CDH19: variants seen among roughly 807,000 people sequenced by gnomAD.
The protein encoded by CDH19 is cadherin 19, also known as cadherin-19.
In CDH19, 67 loss-of-function variants were observed where a neutral mutation model predicts 64.2. The ratio of observed to expected loss-of-function variants is 1.04; its 90% confidence interval spans 0.86 to 1.28. The LOEUF is 1.28. CDH19 is among the 50% of genes most tolerant of loss of function. The pLI is 0.00. For missense variants in CDH19, 1,030 were observed against 929.0 expected (o/e 1.11, Z -1.41); for synonymous variants, 346 against 319.3 (o/e 1.08, Z -0.89).
chr18:66,502,774 G>C lies in CDH19; in HGVS notation c.*2038C>G, dbSNP rs1985001485. 3 of 151,680 alleles carry C rather than the reference G, an allele frequency of 2.0e-5. No individual in the cohort carries two copies. The South Asian group carries it at 6.2e-4, about 31-fold the overall frequency. The allele number at this position is 151,680 out of a possible 1,614,324, so 9.4% of individuals were successfully genotyped here. On this transcript the variant is annotated 3_prime_UTR_variant, in exon 12 of 12. Coordinates refer to ENST00000262150, the MANE Select transcript of CDH19 (RefSeq NM_021153.4). Reference sequence around the variant, plus strand: ...GGTATTTTTCCTCTTTCCTAATAATGGTATCATTGCGTTAAGGATTGACTA... The same window carrying C: ...GGTATTTTTCCTCTTTCCTAATAATCGTATCATTGCGTTAAGGATTGACTA...
chr18:66,549,941 G>A (rs898975222), intron 5 of CDH19, among the ~76,000 whole-genome samples: 1 of 151,998 alleles, frequency 6.6e-6, no homozygotes, highest in Non-Finnish European at 1.5e-5. Context: ...TTTCACTTGG[G>A]CCATTAAAAA....
At chr18:66,530,673 A>G (rs190317436) in intron 8 of CDH19, among the ~76,000 whole-genome samples, 2 of 152,264 alleles carry the variant, frequency 1.3e-5, no homozygotes, top group African/African-American at 4.8e-5. Context: ...ATTTCAGAAA[A>G]AAGTATGAAG....
chr18:66,561,045 T>TAATAAAAATAAAAA (rs1365480652), intron 3 of CDH19, among the ~76,000 whole-genome samples: 12 of 152,096 alleles, frequency 7.9e-5, no homozygotes, highest in Non-Finnish European at 1.8e-4. Context: ...AATGAGTTTC[T>TAATAAAAATAAAAA]TAGTTTAACT....
intron 1 of CDH19, among the ~76,000 whole-genome samples, chr18:66,599,767 G>T (rs865781776): frequency 6.6e-6 from 1 of 151,796 alleles, no homozygotes; most frequent in Non-Finnish European, 1.5e-5. Context: ...CATGAATATA[G>T]GATAAATAAA....
chr18:66,589,693 A>G (rs1314660725), intron 1 of CDH19, among the ~76,000 whole-genome samples: 3 of 109,156 alleles, frequency 2.7e-5, no homozygotes, highest in African/African-American at 9.9e-5. Flanking sequence ...TATAATATAA[A>G]CATGATTTTA....
rs937170290 is a variant in CDH19, at chr18:66,524,912, T to G, written c.1458+4933A>C. Among the ~76,000 whole-genome samples, 2 of 152,222 alleles carry G rather than the reference T, an allele frequency of 1.3e-5. 1 individual carries two copies. The highest frequency in any genetic ancestry group is 4.1e-4 in the South Asian group (2 of 4,828). Reference sequence around the variant, plus strand: ...CTTTCTCTTTACTATCATTTTCTCATTCTAAGGTGGAGAGCTGTCAAAGTG... The same window carrying G: ...CTTTCTCTTTACTATCATTTTCTCAGTCTAAGGTGGAGAGCTGTCAAAGTG... On this transcript the variant is annotated intron_variant, in intron 9 of 11. Coordinates refer to ENST00000262150, the MANE Select transcript of CDH19 (RefSeq NM_021153.4).
chr18:66,534,867 G>C, intron 8 of CDH19, 119 bp downstream of exon 8: 1 of 607,002 alleles, frequency 1.6e-6, no homozygotes, highest in Admixed American at 3.2e-5. Context: ...CATTTACATT[G>C]AATGTCATTT....
chr18:66,579,833 G>T (rs1988373388), intron 1 of CDH19, among the ~76,000 whole-genome samples: 1 of 151,772 alleles, frequency 6.6e-6, no homozygotes, highest in African/African-American at 2.4e-5. Flanking sequence ...CAGTTTTTTT[G>T]GTCATTGAAT....
At chr18:66,583,478 C>T (rs80032251) in intron 1 of CDH19, among the ~76,000 whole-genome samples, 2,402 of 152,088 alleles carry the variant, frequency 0.016, 59 homozygotes, top group African/African-American at 0.055. Flanking sequence ...TTGTTCTGTT[C>T]TTATCCCACC....
intron 1 of CDH19, among the ~76,000 whole-genome samples, chr18:66,603,247 T>C (rs1397097023): frequency 1.3e-5 from 2 of 150,836 alleles, no homozygotes; most frequent in African/African-American, 2.4e-5. Flanking sequence ...CAATTAAAAT[T>C]GCATGTACCA....
intron 9 of CDH19, among the ~76,000 whole-genome samples, chr18:66,513,375 C>T (rs1985585074): frequency 6.6e-6 from 1 of 151,398 alleles, no homozygotes; most frequent in Admixed American, 6.6e-5. Context: ...ATCATGTCTC[C>T]ACTTATATTT....
intron 11 of CDH19, among the ~76,000 whole-genome samples, chr18:66,507,420 C>T (rs1985254851): frequency 6.6e-6 from 1 of 151,804 alleles, no homozygotes; most frequent in Non-Finnish European, 1.5e-5. Flanking sequence ...TTTGCTCTCA[C>T]TCTTCAATGT....
intron 5 of CDH19, 46 bp from the exon 6 acceptor site, chr18:66,544,949 G>C (rs751388129): frequency 3.8e-6 from 5 of 1,315,690 alleles, no homozygotes; most frequent in African/African-American, 3.0e-5. Context: ...ACTTAATATA[G>C]ACAACTTGCA....
Position 66,582,893 on chromosome 18 carries a change from C to T in CDH19, c.-112-10577G>A, listed in dbSNP as rs549456447. Among the ~76,000 whole-genome samples, 170 of 152,160 alleles carry T rather than the reference C, an allele frequency of 1.1e-3. 2 individuals are homozygous for T. Among genetic ancestry groups the T allele is most frequent in the East Asian group, 3.7e-3 (19 of 5,168 alleles). ...TATGTGAAGTGGTAAGCACTGACAA[C>T]ATTAAGACTGAGTGTGCAAAAGTTC... On this transcript the variant is annotated intron_variant, in intron 1 of 11. Coordinates refer to ENST00000262150, the MANE Select transcript of CDH19 (RefSeq NM_021153.4).
chr18:66,594,556 C>T lies in CDH19; in HGVS notation c.-113+9398G>A, dbSNP rs75927929. On this transcript the variant is annotated intron_variant, in intron 1 of 11. Coordinates refer to ENST00000262150, the MANE Select transcript of CDH19 (RefSeq NM_021153.4). Reference sequence around the variant, plus strand: ...CATGTTCAAAAAGCCCAAAGTCATACGAATCACAGTCTTGGAACACAGTGC... The same window carrying T: ...CATGTTCAAAAAGCCCAAAGTCATATGAATCACAGTCTTGGAACACAGTGC... Among the ~76,000 whole-genome samples, 634 of 151,988 alleles carry T rather than the reference C, an allele frequency of 4.2e-3. 4 individuals are homozygous for T. The highest frequency in any genetic ancestry group is 0.015 in the African/African-American group (606 of 41,480).
rs1379803000 is a variant in CDH19, at chr18:66,511,701, G to GA, written c.1459-17dup. Reference sequence around the variant, plus strand: ...TCTGAATTACCTAAAAAAAAAGGGGGATAGATTTTTGTTGTTGTTTGGATT... The same window carrying GA: ...TCTGAATTACCTAAAAAAAAAGGGGGAATAGATTTTTGTTGTTGTTTGGATT... On this transcript the variant is annotated splice_polypyrimidine_tract_variant and intron_variant, in intron 9 of 11. Coordinates refer to ENST00000262150, the MANE Select transcript of CDH19 (RefSeq NM_021153.4). 8.1e-7 allele frequency: 1 copy of GA among 1,232,190 alleles called. No homozygotes were observed. The highest frequency in any genetic ancestry group is 1.2e-6 in the Non-Finnish European group (1 of 841,798). The allele number at this position is 1,232,190 out of a possible 1,614,324, so 76.3% of individuals were successfully genotyped here. A position where few individuals can be genotyped will look rare whatever the true frequency, so the allele number is the denominator to read the frequency against.
At chr18:66,562,024 C>T (rs1454057438) in intron 3 of CDH19, among the ~76,000 whole-genome samples, 1 of 151,892 alleles carries the variant, frequency 6.6e-6, no homozygotes, top group Non-Finnish European at 1.5e-5. Flanking sequence ...CTTATTTTAT[C>T]AATCACATTC....
At chr18:66,551,006 G>C (rs1271591428) in intron 5 of CDH19, 88 bp downstream of exon 5, 7 of 646,076 alleles carry the variant, frequency 1.1e-5, no homozygotes, top group Non-Finnish European at 1.8e-5. Flanking sequence ...TTAATGTAGT[G>C]CTTTTAGAAT....
chr18:66,554,632 A>T, intron 3 of CDH19, 108 bp from the exon 4 acceptor site: 1 of 809,194 alleles, frequency 1.2e-6, no homozygotes. Flanking sequence ...ACAAAATGAA[A>T]GCTCAATTCA....
Sources: allele counts gnomAD v4.1 joint callset (sites outside exome capture counted in the v4.1 genomes callset), GRCh38; gene constraint gnomAD v4.1.1; transcripts MANE v1.5; gene names NCBI Gene and HGNC (gene_info 2026-07-23, HGNC 2026-07-21).